HMGCLL1: variants seen among roughly 807,000 people sequenced by gnomAD.
HMGCLL1 encodes 3-hydroxy-3-methylglutaryl-CoA lyase like 1.
Under a neutral mutation model 39.1 loss-of-function variants are expected in HMGCLL1, and 36 were observed. The ratio of observed to expected loss-of-function variants is 0.92; its 90% CI spans 0.71 to 1.22. The LOEUF (loss-of-function observed/expected upper bound fraction) is 1.22. Among genes scored for constraint, HMGCLL1 ranks in the 50% most tolerant of loss-of-function variants. The pLI is 0.00. For synonymous variants in HMGCLL1, 149 were observed against 144.0 expected (o/e 1.03, Z -0.25); for missense variants, 451 against 416.5 (o/e 1.08, Z -0.72).
rs935273903 is a variant in HMGCLL1 at position 55,578,931 on chromosome 6, G to A, written c.108+17C>T. On this transcript the variant is annotated intron_variant, in intron 1 of 8. Transcript: ENST00000274901. Reference sequence around the variant, plus strand: ...GTGCGCATGAGGGTGGGGACACCCTGGGCCGCGAGGTGGTACCTGCGCGGG... The same window carrying A: ...GTGCGCATGAGGGTGGGGACACCCTAGGCCGCGAGGTGGTACCTGCGCGGG... The A allele has an allele frequency of 2.5e-6, 4 of 1,592,692 alleles. No homozygotes were observed. Among genetic ancestry groups the A allele is most frequent in the Non-Finnish European group, 2.6e-6 (3 of 1,165,396 alleles).
At chr6:55,654,159 G>C in the HMGCLL1 span, among the ~76,000 whole-genome samples, 1 of 151,816 alleles carries the variant, frequency 6.6e-6, no homozygotes, top group African/African-American at 2.4e-5. Flanking sequence ...ACCTAAGAAA[G>C]TACTGATAAT....
rs190903210 is a variant in HMGCLL1 at position 55,571,659 on chromosome 6, A to T, written c.108+7289T>A. On this transcript the variant is annotated intron_variant, in intron 1 of 8. Coordinates refer to ENST00000274901, the MANE Select transcript of HMGCLL1 (RefSeq NM_001042406.2). Reference sequence around the variant, plus strand: ...TCTCTACTAAAAATACAAAAAAAAAATTAGCCGGGCACAGTAGCGGGCACC... The same window carrying T: ...TCTCTACTAAAAATACAAAAAAAAATTTAGCCGGGCACAGTAGCGGGCACC... 3.3e-5 allele frequency among the ~76,000 whole-genome samples: 5 copies of T among 151,958 alleles called. No individual in the cohort carries two copies. The Middle Eastern group carries it at 0.01, about 310-fold the overall frequency.
At chr6:55,493,689 C>T (rs952763591) in intron 7 of HMGCLL1, among the ~76,000 whole-genome samples, 1 of 151,806 alleles carries the variant, frequency 6.6e-6, no homozygotes, top group Non-Finnish European at 1.5e-5. Flanking sequence ...CACATACACA[C>T]CATTTTAGGA....
intron 1 of HMGCLL1, among the ~76,000 whole-genome samples, chr6:55,543,564 T>A (rs1286248881): frequency 3.3e-5 from 4 of 120,306 alleles, no homozygotes; most frequent in Non-Finnish European, 6.7e-5. Context: ...ATTTATATAT[T>A]TTTATATATA....
chr6:55,677,650 A>G, the HMGCLL1 span, among the ~76,000 whole-genome samples: 1 of 152,196 alleles, frequency 6.6e-6, no homozygotes, highest in Non-Finnish European at 1.5e-5. Flanking sequence ...TAATTCCTAC[A>G]TTAGGGTGAT....
intron 5 of HMGCLL1, chr6:55,512,604 T>C (rs13218220): frequency 0.33 from 49,544 of 152,018 alleles, 8,516 homozygotes; most frequent in Non-Finnish European, 0.37. Context: ...AGGAAAAATA[T>C]AAATAGAAAA....
intron 7 of HMGCLL1, among the ~76,000 whole-genome samples, chr6:55,477,358 A>C (rs112752853): frequency 2.4e-5 from 1 of 41,448 alleles, no homozygotes; most frequent in Non-Finnish European, 4.1e-5. Context: ...TAGATAATAT[A>C]TATTATATTA....
At chr6:55,572,329 G>GT (rs1771542710) in intron 1 of HMGCLL1, among the ~76,000 whole-genome samples, 1 of 151,870 alleles carries the variant, frequency 6.6e-6, no homozygotes, top group Non-Finnish European at 1.5e-5. Context: ...GACAATAGAG[G>GT]TAAAATATTA....
chr6:55,580,519 C>A (rs1771962716), upstream of HMGCLL1, among the ~76,000 whole-genome samples: 1 of 145,750 alleles, frequency 6.9e-6, no homozygotes, highest in Non-Finnish European at 1.5e-5. Context: ...AGGTTCACGC[C>A]ATTCTCCTGC....
At chr6:55,453,076 G>A (rs3934777) in intron 7 of HMGCLL1, among the ~76,000 whole-genome samples, 45,764 of 152,038 alleles carry the variant, frequency 0.3, 7,233 homozygotes, top group African/African-American at 0.41. Flanking sequence ...GAGGATGTGG[G>A]AAGAGGTATT....
At chr6:55,634,585 G>C in the HMGCLL1 span, among the ~76,000 whole-genome samples, 1 of 152,112 alleles carries the variant, frequency 6.6e-6, no homozygotes, top group Non-Finnish European at 1.5e-5. Context: ...CAGTTGAGAT[G>C]TCCATGATAA....
chr6:55,550,549 T>C (rs1770273058), intron 1 of HMGCLL1, among the ~76,000 whole-genome samples: 1 of 151,900 alleles, frequency 6.6e-6, no homozygotes, highest in African/African-American at 2.4e-5. Flanking sequence ...CAAATCCTTG[T>C]CCAGGAGACT....
chr6:55,439,405 G>A, intron 8 of HMGCLL1, 29 bp downstream of exon 8: 5 of 1,586,248 alleles, frequency 3.2e-6, no homozygotes, highest in Non-Finnish European at 4.3e-6. Context: ...AGGAATGCAT[G>A]AATATTAAAA....
chr6:55,472,510 A>T (rs1765092803), intron 7 of HMGCLL1, among the ~76,000 whole-genome samples: 1 of 151,568 alleles, frequency 6.6e-6, no homozygotes, highest in Admixed American at 6.6e-5. Flanking sequence ...TTTTATATGT[A>T]TTCTTGATAC....
chr6:55,492,589 C>G (rs1365414940), intron 7 of HMGCLL1, among the ~76,000 whole-genome samples: 1 of 152,232 alleles, frequency 6.6e-6, no homozygotes, highest in African/African-American at 2.4e-5. Context: ...ATGCGTTTAT[C>G]AAACTCTATG....
chr6:55,661,727 GT>G, the HMGCLL1 span, among the ~76,000 whole-genome samples: 7 of 151,148 alleles, frequency 4.6e-5, no homozygotes, highest in Non-Finnish European at 8.9e-5. Flanking sequence ...TTTTTAAAAA[GT>G]TTTTTTTTCT....
intron 1 of HMGCLL1, among the ~76,000 whole-genome samples, chr6:55,557,698 T>G (rs921408358): frequency 2.0e-5 from 3 of 152,146 alleles, no homozygotes; most frequent in African/African-American, 7.2e-5. Flanking sequence ...CCACTGAATT[T>G]CTAATCCTTC....
At chr6:55,659,410 GT>G in the HMGCLL1 span, among the ~76,000 whole-genome samples, 1 of 151,862 alleles carries the variant, frequency 6.6e-6, no homozygotes, top group African/African-American at 2.4e-5. Flanking sequence ...CTCGCTCTTT[GT>G]CTCTCTGAAG....
At chr6:55,445,069 T>G (rs1053213319) in intron 7 of HMGCLL1, among the ~76,000 whole-genome samples, 1 of 152,052 alleles carries the variant, frequency 6.6e-6, no homozygotes, top group Non-Finnish European at 1.5e-5. Context: ...TTAAAGAGTT[T>G]ATTCAAGGAT....
Sources: gnomAD v4.1 joint callset for allele counts (sites outside exome capture counted in the v4.1 genomes callset) on GRCh38, gnomAD v4.1.1 for gene constraint, MANE v1.5 for transcripts, NCBI Gene and HGNC (gene_info 2026-07-23, HGNC 2026-07-21) for gene names.